The following NCF1 variants were observed in gnomAD, a reference collection of about 807,000 sequenced individuals.
NCF1 encodes the protein neutrophil cytosolic factor 1.
NCF1 carries 8 observed loss-of-function variants against 34.9 expected under a neutral mutation model. The ratio of observed to expected loss-of-function variants is 0.23; its 90% CI spans 0.13 to 0.41. The LOEUF (loss-of-function observed/expected upper bound fraction) is 0.41. Ranked by LOEUF, NCF1 falls within the 10% of genes least tolerant of loss-of-function variation. NCF1 has a pLI of 1.00. For missense variants in NCF1, 122 were observed against 362.4 expected (o/e 0.34, Z 5.39); for synonymous variants, 57 against 146.3 (o/e 0.39, Z 4.41).
In NCF1 at chr7:74,783,593, A is replaced by G; in HGVS notation, c.643A>G (p.Ser215Gly). 6.2e-7 allele frequency: 1 copy of G among 1,611,784 alleles called. No individual in the cohort carries two copies. Among genetic ancestry groups the G allele is most frequent in the Non-Finnish European group, 8.5e-7 (1 of 1,179,740 alleles). Residue 215 changes from serine (S) to glycine (G), a missense_variant, in exon 7 of 11, where the codon AGT (serine) becomes GGT (glycine). Ser to Gly is a moderately conservative substitution (Grantham distance 56). Coordinates refer to ENST00000289473, the MANE Select transcript of NCF1 (RefSeq NM_000265.7). ...IPASFLEPLD[S>G]PDETEDPEPN... ...AGCGTCCTTCCTCGAGCCCCTGGAC[A>G]GTCCTGACGAGACGGAAGACCCTGA... is the stretch of plus-strand genomic sequence containing the variant.
chr7:74,775,510 G>A (rs1554412881), intron 1 of NCF1, among the ~76,000 whole-genome samples: 3 of 6,298 alleles, frequency 4.8e-4, no homozygotes. Context: ...TAGTTGTTGG[G>A]CATTTCTTAA....
At chr7:74,783,391 TG>T in intron 6 of NCF1, 133 bp from the exon 7 acceptor site, 1 of 992,698 alleles carries the variant, frequency 1.0e-6, no homozygotes, top group Non-Finnish European at 1.6e-6. Flanking sequence ...TTGTCCAGTG[TG>T]GTGAAGGTGA....
At chr7:74,787,558 A>T (rs1160624010) in intron 8 of NCF1, among the ~76,000 whole-genome samples, 1 of 152,066 alleles carries the variant, frequency 6.6e-6, no homozygotes, top group African/African-American at 2.4e-5. Context: ...GGCAAATATA[A>T]TCCGCCAATG....
intron 2 of NCF1, chr7:74,777,606 T>G: frequency 2.4e-6 from 1 of 412,342 alleles, no homozygotes; most frequent in Non-Finnish European, 4.7e-6. Context: ...TATTTAGGTT[T>G]GCAGTGCAGG....
At chr7:74,778,684 C>G (rs1217144865) in intron 2 of NCF1, among the ~76,000 whole-genome samples, 1 of 139,680 alleles carries the variant, frequency 7.2e-6, no homozygotes, top group African/African-American at 2.6e-5. Flanking sequence ...TTTCTAGGCC[C>G]GAGATATTTA....
At chr7:74,779,222 C>T (rs1554413429) in intron 3 of NCF1, 35 bp from the exon 4 acceptor site, 11 of 1,610,432 alleles carry the variant, frequency 6.8e-6, no homozygotes, top group African/African-American at 1.3e-5. Context: ...CCTCCCAGCC[C>T]CTCTCGGGCT....
chr7:74,777,098 G>GC (rs1796482668), intron 1 of NCF1, among the ~76,000 whole-genome samples, 169 bp from the exon 2 acceptor site: 1 of 149,816 alleles, frequency 6.7e-6, no homozygotes, highest in Non-Finnish European at 1.5e-5. Flanking sequence ...CTGGGGCGTG[G>GC]CAGCACTTGG....
At position 74,783,251 on chromosome 7, in the gene NCF1, G is replaced by C. The variant is rs782424535; in HGVS notation, c.574+190G>C. 32 of 1,130,478 alleles carry C rather than the reference G, an allele frequency of 2.8e-5. 2 individuals carry two copies. The African/African-American group carries it at 4.5e-4, about 16-fold the overall frequency. 70.0% of individuals were successfully genotyped at this position (1,130,478 alleles called of 1,614,324 possible). ...CACCCTGTGGTGGCTGTGGGCATCT[G>C]TGCATGGCAGGCCGGGGCGGGGCAT... On this transcript the variant is annotated intron_variant, in intron 6 of 10. Coordinates refer to ENST00000289473, the MANE Select transcript of NCF1 (RefSeq NM_000265.7).
intron 2 of NCF1, chr7:74,778,402 T>C (rs1796513670): frequency 2.2e-6 from 1 of 447,602 alleles, no homozygotes; most frequent in South Asian, 1.6e-5. Flanking sequence ...GATTACAGGT[T>C]TGAGCCCCTG....
intron 8 of NCF1, among the ~76,000 whole-genome samples, chr7:74,787,415 A>G (rs1463390513): frequency 6.6e-6 from 1 of 152,148 alleles, no homozygotes; most frequent in Non-Finnish European, 1.5e-5. Context: ...ACTCCAGCCT[A>G]GGCAACAAGA....
In NCF1 at chr7:74,781,344, C is replaced by T. The variant is rs1334070717; in HGVS notation, c.451+509C>T. 4.3e-5 allele frequency among the ~76,000 whole-genome samples: 2 copies of T among 46,402 alleles called. 1 individual carries two copies. The highest frequency in any genetic ancestry group is 4.9e-4 in the Admixed American group (2 of 4,044). 30.4% of individuals were successfully genotyped at this position (46,402 alleles called of 152,430 possible). On this transcript the variant is annotated intron_variant, in intron 5 of 10. Coordinates refer to ENST00000289473, the MANE Select transcript of NCF1 (RefSeq NM_000265.7). Reference sequence around the variant, plus strand: ...TGGCAGTGCAGAGACCAGCGCAGACCCTTGCTACTGGCAGCCGGGGGAGTG... The same window carrying T: ...TGGCAGTGCAGAGACCAGCGCAGACTCTTGCTACTGGCAGCCGGGGGAGTG...
In NCF1 at chr7:74,783,548, G is replaced by C; in HGVS notation, c.598G>C (p.Ala200Pro). 6.2e-7 allele frequency: 1 copy of C among 1,611,852 alleles called. No homozygotes were observed. The highest frequency in any genetic ancestry group is 2.2e-5 in the East Asian group (1 of 44,860). Residue 200 changes from alanine to proline, a missense_variant, in exon 7 of 11, where the codon GCA becomes CCA. This residue lies in a region of NCF1 where 57 missense variants were observed against 89.3 expected (regional missense o/e 0.64). Transcript: ENST00000289473. The part of the protein sequence containing the change: ...ESGWWFCQMK[A>P]KRGWIPASFL... ...AGGTTGGTGGTTCTGTCAGATGAAA[G>C]CAAAGCGAGGCTGGATCCCAGCGTC...
At position 74,788,713 on chromosome 7, in the gene NCF1, A is replaced by G; in HGVS notation, c.1051+9A>G. The G allele has an allele frequency of 6.5e-7, 1 of 1,548,964 alleles. No individual in the cohort carries two copies. Among genetic ancestry groups the G allele is most frequent in the Non-Finnish European group, 8.7e-7 (1 of 1,155,088 alleles). The stretch of plus-strand genomic sequence containing the variant: ...CCCCGGGAGCCCGCTCGGTGAGTGC[A>G]GCGGGAGAGGGCAGGAAGGGCAAGC... On this transcript the variant is annotated intron_variant, in intron 10 of 10. Transcript: ENST00000289473.
chr7:74,783,661 G>T (rs1796620873), intron 7 of NCF1, 29 bp downstream of exon 7: 3 of 1,604,314 alleles, frequency 1.9e-6, no homozygotes, highest in South Asian at 1.1e-5. Context: ...GGCTGTAGGG[G>T]TGTGGGAGAA....
chr7:74,782,562 C>T (rs1554413883), intron 5 of NCF1, among the ~76,000 whole-genome samples: 1 of 145,224 alleles, frequency 6.9e-6, no homozygotes, highest in Non-Finnish European at 1.5e-5. Flanking sequence ...TGGGCATTGT[C>T]CCAAGACCTT....
chr7:74,779,234 G>C, intron 3 of NCF1, 23 bp from the exon 4 acceptor site: 1 of 1,611,286 alleles, frequency 6.2e-7, no homozygotes, highest in Non-Finnish European at 8.5e-7. Context: ...TCTCGGGCTT[G>C]ACCTCATGTT....
In NCF1 at chr7:74,783,024, G is replaced by A. The variant is rs781784127; in HGVS notation, c.537G>A (p.Thr179=). The change falls in exon 6 of 11, where the codon ACG becomes ACA. Residue 179 remains threonine, a synonymous_variant. Coordinates refer to ENST00000289473, the MANE Select transcript of NCF1 (RefSeq NM_000265.7). ...KTSGSEMALS[T]GDVVEVVEKS... ...CGGGCTCCGAGATGGCTCTGTCCAC[G>A]GGGGACGTGGTGGAGGTCGTAGAGA... is the stretch of plus-strand genomic sequence containing the variant. 1.4e-5 allele frequency: 22 copies of A among 1,611,418 alleles called. No homozygotes were observed. The East Asian group carries it at 3.1e-4, about 23-fold the overall frequency.
Position 74,775,948 on chromosome 7 carries a change from C to CTT in NCF1, c.73-1306_73-1305dup, listed in dbSNP as rs782778957. On this transcript the variant is annotated intron_variant, in intron 1 of 10. Transcript: ENST00000289473. ...TTTGCCATATTGATTCTGGATCAGT[C>CTT]TTTTTTTTTTTTTTATGAGATGGAG... 9.6e-3 allele frequency among the ~76,000 whole-genome samples: 1,099 copies of CTT among 114,130 alleles called. 13 individuals carry two copies. The highest frequency in any genetic ancestry group is 0.037 in the African/African-American group (1,040 of 28,174). The allele number at this position is 114,130 out of a possible 152,430, so 74.9% of individuals were successfully genotyped here. A position where few individuals can be genotyped will look rare whatever the true frequency, so the allele number is the denominator to read the frequency against.
In NCF1 at chr7:74,782,999, C is replaced by T. The variant is rs782037135; in HGVS notation, c.512C>T (p.Ser171Leu). 87 of 1,611,380 alleles carry T rather than the reference C, an allele frequency of 5.4e-5. No individual in the cohort carries two copies. The highest frequency in any genetic ancestry group is 4.5e-4 in the East Asian group (20 of 44,828). The change falls in exon 6 of 11, where the codon TCG becomes TTG. Residue 171 changes from serine (S) to leucine (L), a missense_variant. By Grantham distance (145) the Ser-to-Leu change is moderately radical. This residue lies in a region of NCF1 where 57 missense variants were observed against 89.3 expected (regional missense o/e 0.64). Coordinates refer to ENST00000289473, the MANE Select transcript of NCF1 (RefSeq NM_000265.7). Reference sequence around the variant, plus strand: ...GCCATTGCCAACTACGAGAAGACCTCGGGCTCCGAGATGGCTCTGTCCACG... The same window carrying T: ...GCCATTGCCAACTACGAGAAGACCTTGGGCTCCGAGATGGCTCTGTCCACG... ...YRAIANYEKT[S>L]GSEMALSTGD...
Sources: gnomAD v4.1 joint callset for allele counts (sites outside exome capture counted in the v4.1 genomes callset) on GRCh38, gnomAD v4.1.1 for gene constraint, gnomAD v4.1.1 regional missense constraint, MANE v1.5 for transcripts, NCBI Gene and HGNC (gene_info 2026-07-23, HGNC 2026-07-21) for gene names.